The following CNTRL variants were observed in gnomAD, a reference collection of about 807,000 sequenced individuals.
CNTRL encodes the protein centriolin.
Under a neutral mutation model 303.7 loss-of-function variants are expected in CNTRL, and 233 were observed. That is an observed-to-expected ratio of 0.77 (90% CI 0.69 to 0.86). CNTRL has a LOEUF of 0.86. Ranked by LOEUF, CNTRL falls within the 40% of genes least tolerant of loss-of-function variation. The pLI is 0.00. For synonymous variants in CNTRL, 900 were observed against 922.2 expected, an observed-to-expected ratio of 0.98 and a Z score of 0.44; for missense variants, 2,524 against 2,650.6, an observed-to-expected ratio of 0.95 and a Z score of 1.05.
chr9:121,076,862 T>C lies in CNTRL; in HGVS notation c.-205+1795T>C, dbSNP rs1287464824. ...GTAGGTCAGAGGGTATGGGATGAAG[T>C]AGACTTGGAAAGTACTGAAATCCAA... is the stretch of plus-strand genomic sequence containing the variant. On this transcript the variant is annotated intron_variant, in intron 1 of 43. Coordinates refer to ENST00000373855, the MANE Select transcript of CNTRL (RefSeq NM_007018.6). Among the ~76,000 whole-genome samples, 8 of 152,154 alleles carry C rather than the reference T, an allele frequency of 5.3e-5. No individual in the cohort carries two copies. The East Asian group carries it at 1.5e-3, about 29-fold the overall frequency.
intron 11 of CNTRL, 55 bp downstream of exon 11, chr9:121,115,255 T>C: frequency 9.8e-7 from 1 of 1,022,796 alleles, no homozygotes; most frequent in Non-Finnish European, 1.5e-6. Context: ...AAATGTGTTT[T>C]TCCCTTCATA....
In CNTRL at chr9:121,141,408, G is replaced by T. The variant is rs777119996; in HGVS notation, c.2511G>T (p.Gly837=). 1.9e-6 allele frequency: 3 copies of T among 1,613,862 alleles called. No individual in the cohort carries two copies. Among genetic ancestry groups the T allele is most frequent in the Non-Finnish European group, 2.5e-6 (3 of 1,179,856 alleles). The part of the protein sequence containing the change: ...MNIHSPSDVL[G]KSLADLQKQF... ...TCCATAGTCCTTCAGATGTCTTAGG[G>T]AAAAGTCTTGCTGATTTACAGAAAC... Residue 837 remains glycine (G), a synonymous_variant, in exon 18 of 44, where the codon GGG becomes GGT. Transcript: ENST00000373855.
rs747075634 is a variant in CNTRL at position 121,157,794 on chromosome 9, A to G, written c.4551A>G (p.Glu1517=). 3.7e-6 allele frequency: 6 copies of G among 1,614,246 alleles called. No individual in the cohort carries two copies. The highest frequency in any genetic ancestry group is 5.1e-6 in the Non-Finnish European group (6 of 1,180,036). ...DLEQHKIKQE[E]ILKEINKIVA... ...AGCAGCACAAAATCAAGCAAGAAGA[A>G]ATCTTGAAAGAAATAAACAAAATTG... Residue 1517 remains glutamate, a synonymous_variant, in exon 29 of 44, where the codon GAA becomes GAG. Transcript: ENST00000373855.
At position 121,090,384 on chromosome 9, in the gene CNTRL, A is replaced by C. The variant is rs768162564; in HGVS notation, c.327A>C (p.Lys109Asn). ...AATCTCTGAACCTTTCACTTTCTAAAGACGGTGGCAAGAAATTTAAGGTAG... is the reference window on the plus strand; with the variant it reads ...AATCTCTGAACCTTTCACTTTCTAACGACGGTGGCAAGAAATTTAAGGTAG... Reference protein sequence around the residue: ...LIKSLNLSLSKDGGKKFKYIE... With the variant: ...LIKSLNLSLSNDGGKKFKYIE... The change falls in exon 4 of 44, where the codon AAA becomes AAC. Residue 109 changes from lysine (K) to asparagine (N), a missense_variant. Lys to Asn is a moderately conservative substitution (Grantham distance 94, BLOSUM62 0). Transcript: ENST00000373855. 42 of 1,610,782 alleles carry C rather than the reference A, an allele frequency of 2.6e-5. 1 individual carries two copies. The highest frequency in any genetic ancestry group is 3.3e-4 in the Middle Eastern group (2 of 6,050).
intron 2 of CNTRL, among the ~76,000 whole-genome samples, chr9:121,085,964 G>A (rs1207680304): frequency 6.6e-6 from 1 of 152,154 alleles, no homozygotes; most frequent in Non-Finnish European, 1.5e-5. Flanking sequence ...TGGGTCAAAG[G>A]TAGAGGATGG....
intron 8 of CNTRL, among the ~76,000 whole-genome samples, chr9:121,109,008 GT>G (rs1272094350): frequency 6.6e-6 from 1 of 152,086 alleles, no homozygotes. Flanking sequence ...AAAAAGGAAT[GT>G]TACTGTATAC....
chr9:121,123,794 A>C (rs1564234441), intron 12 of CNTRL, 137 bp from the exon 13 acceptor site: 4 of 590,034 alleles, frequency 6.8e-6, no homozygotes, highest in Non-Finnish European at 1.1e-5. Flanking sequence ...ATGTGAAAAC[A>C]ATATAGGGCC....
intron 14 of CNTRL, among the ~76,000 whole-genome samples, chr9:121,132,188 T>A (rs928146955): frequency 4.6e-5 from 7 of 152,214 alleles, no homozygotes; most frequent in African/African-American, 9.6e-5. Context: ...CCTTGCTAGG[T>A]TAGGGAAGTT....
At chr9:121,173,614 G>A (rs991131292) in intron 41 of CNTRL, 61 bp from the exon 42 acceptor site, 1 of 1,610,850 alleles carries the variant, frequency 6.2e-7, no homozygotes, top group Non-Finnish European at 8.5e-7. Context: ...GGGAAAGGCT[G>A]GTTGGCTTCC....
At chr9:121,108,497 A>G (rs1298675285) in intron 8 of CNTRL, among the ~76,000 whole-genome samples, 2 of 152,130 alleles carry the variant, frequency 1.3e-5, no homozygotes, top group African/African-American at 4.8e-5. Flanking sequence ...CTTATTTATA[A>G]TGTTATTGAT....
At chr9:121,161,821 A>T in intron 32 of CNTRL, 35 bp from the exon 33 acceptor site, 1 of 1,424,272 alleles carries the variant, frequency 7.0e-7, no homozygotes, top group Non-Finnish European at 9.8e-7. Flanking sequence ...AAGTTCATTT[A>T]ATATCATGGA....
At chr9:121,155,950 A>G (rs998352512) in intron 27 of CNTRL, among the ~76,000 whole-genome samples, 2 of 152,176 alleles carry the variant, frequency 1.3e-5, no homozygotes, top group African/African-American at 2.4e-5. Flanking sequence ...AAAGCAGTCT[A>G]TTACCTAGGA....
At chr9:121,083,668 C>T (rs1230969447) in intron 2 of CNTRL, among the ~76,000 whole-genome samples, 1 of 152,160 alleles carries the variant, frequency 6.6e-6, no homozygotes, top group Non-Finnish European at 1.5e-5. Context: ...ATAGTAAATA[C>T]ATAAGCCAGT....
Position 121,160,232 on chromosome 9 carries a change from A to G in CNTRL, c.5019A>G (p.Ile1673Met), listed in dbSNP as rs762923939. The change falls in exon 32 of 44, where the codon ATA (isoleucine) becomes ATG (methionine). Residue 1673 changes from isoleucine to methionine, a missense_variant. Ile to Met is a conservative substitution (Grantham distance 10). Coordinates refer to ENST00000373855, the MANE Select transcript of CNTRL (RefSeq NM_007018.6). ...AAAGAAAAACTCAACTTACACTTAT[A>G]AAGCAGGAAATTGAAAAAGAGGAAG... ...ISERKTQLTL[I>M]KQEIEKEEEN... The G allele has an allele frequency of 2.6e-6, 4 of 1,566,950 alleles. No homozygotes were observed. The highest frequency in any genetic ancestry group is 1.2e-5 in the South Asian group (1 of 80,350).
At chr9:121,129,990 G>A (rs1325488689) in intron 14 of CNTRL, among the ~76,000 whole-genome samples, 5 of 152,224 alleles carry the variant, frequency 3.3e-5, no homozygotes, top group African/African-American at 9.6e-5. Flanking sequence ...AAGCCGACTT[G>A]ATCGTGGTGG....
At chr9:121,152,859 G>A in intron 26 of CNTRL, among the ~76,000 whole-genome samples, 166 bp downstream of exon 26, 1 of 152,154 alleles carries the variant, frequency 6.6e-6, no homozygotes, top group East Asian at 1.9e-4. Context: ...ATGGAGCTGA[G>A]GAACAGAATT....
intron 3 of CNTRL, 27 bp downstream of exon 3, chr9:121,088,570 T>C: frequency 6.8e-7 from 1 of 1,461,588 alleles, no homozygotes; most frequent in South Asian, 1.2e-5. Flanking sequence ...TAAGAATTGG[T>C]CTGACCACAT....
chr9:121,104,952 C>T (rs898772817), intron 7 of CNTRL, among the ~76,000 whole-genome samples: 5 of 152,098 alleles, frequency 3.3e-5, no homozygotes, highest in Non-Finnish European at 5.9e-5. Flanking sequence ...GCAGGTGATC[C>T]GCCTGCCTCG....
Position 121,098,430 on chromosome 9 carries a change from T to C in CNTRL, c.666T>C (p.Ser222=), listed in dbSNP as rs369969301. 4.3e-6 allele frequency: 7 copies of C among 1,613,660 alleles called. No individual in the cohort carries two copies. Among genetic ancestry groups the C allele is most frequent in the Non-Finnish European group, 5.9e-6 (7 of 1,179,606 alleles). The change falls in exon 7 of 44, where the codon TCT becomes TCC. Residue 222 remains serine, a synonymous_variant. Coordinates refer to ENST00000373855, the MANE Select transcript of CNTRL (RefSeq NM_007018.6). ...SKLKPLQDLI[S]LILVENPVVT... ...TGAAACCGCTTCAAGATTTGATTTC[T>C]CTGATCCTAGTTGAAAATCCAGTTG...
Sources: allele counts gnomAD v4.1 joint callset (sites outside exome capture counted in the v4.1 genomes callset), GRCh38; gene constraint gnomAD v4.1.1; transcripts MANE v1.5; gene names NCBI Gene and HGNC (gene_info 2026-07-23, HGNC 2026-07-21).